Variants in KAZN observed in about 807,000 individuals in gnomAD.
The protein encoded by KAZN is kazrin, periplakin interacting protein.
KAZN carries 40 observed loss-of-function variants against 87.4 expected under a neutral mutation model. The observed-to-expected ratio is 0.46, with a 90% confidence interval of 0.36 to 0.60. The LOEUF (loss-of-function observed/expected upper bound fraction) is 0.60. KAZN is among the 20% of genes least tolerant of loss of function. The probability of loss-of-function intolerance (pLI) is 0.00; values close to 1 mark genes in which losing one functional copy is unlikely to be tolerated. For synonymous variants in KAZN, 466 were observed against 458.3 expected (o/e 1.02, Z -0.22); for missense variants, 898 against 1,073.9 (o/e 0.84, Z 2.29).
intron 1 of KAZN, among the ~76,000 whole-genome samples, chr1:13,903,365 T>C (rs1026041687): frequency 2.5e-4 from 38 of 152,238 alleles, no homozygotes; most frequent in African/African-American, 8.7e-4. Flanking sequence ...ATCTGAAAAG[T>C]AACTGCGTTT....
intron 1 of KAZN, among the ~76,000 whole-genome samples, chr1:14,893,427 A>G (rs1350516319): frequency 6.6e-6 from 1 of 152,192 alleles, no homozygotes; most frequent in Non-Finnish European, 1.5e-5. Flanking sequence ...GGAGAGGCAG[A>G]TGGCCCTTTG....
At chr1:14,310,898 G>C (rs550420376) in intron 2 of KAZN, among the ~76,000 whole-genome samples, 1 of 152,216 alleles carries the variant, frequency 6.6e-6, no homozygotes, top group Non-Finnish European at 1.5e-5. Context: ...ATTTTGAGAA[G>C]TCCAGCACCA....
At chr1:14,514,595 T>A (rs866604291) in intron 2 of KAZN, among the ~76,000 whole-genome samples, 3 of 66,534 alleles carry the variant, frequency 4.5e-5, no homozygotes, top group East Asian at 6.0e-4. Context: ...TTTTTATATT[T>A]TATATATATA....
chr1:14,153,620 CAA>C (rs199533815), intron 1 of KAZN, among the ~76,000 whole-genome samples: 1 of 151,470 alleles, frequency 6.6e-6, no homozygotes. Context: ...ACTAAAAATA[CAA>C]AAAAATTAGC....
chr1:14,924,132 C>T, intron 1 of KAZN: 1 of 982,508 alleles, frequency 1.0e-6, no homozygotes. Context: ...GGACTGAGAG[C>T]CGTTCCCACG....
At chr1:13,922,509 G>C (rs1034114668) in intron 1 of KAZN, among the ~76,000 whole-genome samples, 4 of 152,196 alleles carry the variant, frequency 2.6e-5, no homozygotes, top group African/African-American at 9.6e-5. Context: ...CCTAGGAGAA[G>C]GGTTTATTTG....
At chr1:15,000,894 A>G (rs1209640459) in intron 2 of KAZN, among the ~76,000 whole-genome samples, 3 of 151,892 alleles carry the variant, frequency 2.0e-5, no homozygotes, top group Non-Finnish European at 4.4e-5. Context: ...ACTTGAGCCC[A>G]AAAGTTCAAG....
chr1:14,440,233 C>G (rs1488164193), intron 2 of KAZN, among the ~76,000 whole-genome samples: 1 of 152,164 alleles, frequency 6.6e-6, no homozygotes, highest in East Asian at 1.9e-4. Flanking sequence ...AAATGCTAAC[C>G]TTGGCAGGAG....
chr1:14,627,672 C>T (rs1679247794), intron 1 of KAZN, among the ~76,000 whole-genome samples: 1 of 152,170 alleles, frequency 6.6e-6, no homozygotes, highest in Non-Finnish European at 1.5e-5. Context: ...TTCAATGACT[C>T]CCAGCCGAGC....
intron 10 of KAZN, among the ~76,000 whole-genome samples, chr1:15,097,309 A>G (rs1219364108): frequency 6.6e-6 from 1 of 152,082 alleles, no homozygotes; most frequent in Non-Finnish European, 1.5e-5. Context: ...CTCGGGGGTA[A>G]GAACTCTAAA....
intron 2 of KAZN, among the ~76,000 whole-genome samples, chr1:14,188,698 T>C (rs913758987): frequency 7.2e-5 from 11 of 152,134 alleles, no homozygotes; most frequent in Non-Finnish European, 1.2e-4. Flanking sequence ...TATGTACCCA[T>C]AGATTATCCA....
At chr1:14,631,246 C>T (rs1222903150) in intron 1 of KAZN, among the ~76,000 whole-genome samples, 1 of 152,212 alleles carries the variant, frequency 6.6e-6, no homozygotes, top group Non-Finnish European at 1.5e-5. Context: ...GGAGCTGCCA[C>T]GGCCATCTTG....
At chr1:14,836,334 C>A (rs1032824852) in intron 1 of KAZN, among the ~76,000 whole-genome samples, 8 of 152,196 alleles carry the variant, frequency 5.3e-5, no homozygotes, top group African/African-American at 1.9e-4. Flanking sequence ...AGCCGCACCT[C>A]TGTGTCTCTT....
In KAZN at chr1:14,364,003, A is replaced by G. The variant is rs144316930; in HGVS notation, c.249+183411A>G. Among the ~76,000 whole-genome samples the G allele has an allele frequency of 4.6e-3, 689 of 150,112 alleles. 6 individuals carry two copies. The highest frequency in any genetic ancestry group is 0.016 in the African/African-American group (657 of 40,730). ...TTTTTTTAATTTGGAAGAGAGAGATATAGCAGGTAATGTTTCTTACAATGT... is the reference window on the plus strand; with the variant it reads ...TTTTTTTAATTTGGAAGAGAGAGATGTAGCAGGTAATGTTTCTTACAATGT... On this transcript the variant is annotated intron_variant, in intron 2 of 16. Transcript: ENST00000636203.
chr1:14,299,849 A>G lies in KAZN; in HGVS notation c.249+119257A>G, dbSNP rs1168238515. ...AAGTCGCATGGCCAAGCCCAAAGTC[A>G]GCAGAACAGGGAGTGTACAGGGAAA... On this transcript the variant is annotated intron_variant, in intron 2 of 16. Coordinates refer to the KAZN transcript ENST00000636203. 2.0e-5 allele frequency among the ~76,000 whole-genome samples: 3 copies of G among 152,244 alleles called. No individual in the cohort carries two copies. In the East Asian group the frequency reaches 5.8e-4, roughly 29 times the overall value.
rs533896019 is a variant in KAZN at position 13,907,426 on chromosome 1, G to C, written c.91+13670G>C. Among the ~76,000 whole-genome samples the C allele has an allele frequency of 5.3e-5, 8 of 151,318 alleles. 1 individual carries two copies. Among genetic ancestry groups the C allele is most frequent in the African/African-American group, 1.5e-4 (6 of 41,358 alleles). ...TGGTAGAGAAGACCCCAGCCCCGGG[G>C]TATGGGCCCAGGCCTGGCAGAATGA... On this transcript the variant is annotated intron_variant, in intron 1 of 16. Transcript: ENST00000636203.
intron 8 of KAZN, among the ~76,000 whole-genome samples, chr1:15,075,054 A>G (rs1639677301): frequency 6.6e-6 from 1 of 152,158 alleles, no homozygotes; most frequent in South Asian, 2.1e-4. Flanking sequence ...AAGTTCAGCA[A>G]TTAGCCCAAG....
rs115043163 is a variant in KAZN at position 14,254,276 on chromosome 1, A to T, written c.249+73684A>T. The stretch of plus-strand genomic sequence containing the variant: ...ATTGTTATATCCAGCAACTTTTGCT[A>T]ATACAATGCACTTGGAATCTCATCT... On this transcript the variant is annotated intron_variant, in intron 2 of 16. Transcript: ENST00000636203. 4.0e-3 allele frequency among the ~76,000 whole-genome samples: 615 copies of T among 152,362 alleles called. 5 individuals are homozygous for T. The highest frequency in any genetic ancestry group is 0.014 in the African/African-American group (574 of 41,586).
At chr1:14,651,806 G>A (rs984976235) in intron 1 of KAZN, among the ~76,000 whole-genome samples, 7 of 152,134 alleles carry the variant, frequency 4.6e-5, no homozygotes, top group African/African-American at 1.4e-4. Context: ...TGGTTAATGC[G>A]TCTTAGTCTG....
Sources: gnomAD v4.1 joint callset for allele counts (sites outside exome capture counted in the v4.1 genomes callset) on GRCh38, gnomAD v4.1.1 for gene constraint, MANE v1.5 for transcripts, NCBI Gene and HGNC (gene_info 2026-07-23, HGNC 2026-07-21) for gene names.